AMPH: variants seen among roughly 807,000 people sequenced by gnomAD.
AMPH encodes amphiphysin (Stiff-Mann syndrome with breast cancer 128kD autoantigen).
Under a neutral mutation model 99.1 loss-of-function variants are expected in AMPH, and 49 were observed. The ratio of observed to expected loss-of-function variants is 0.49; its 90% CI spans 0.39 to 0.63. The LOEUF (loss-of-function observed/expected upper bound fraction) is 0.63, where lower values mean the gene tolerates loss of function less well. Ranked by LOEUF, AMPH falls within the 20% of genes least tolerant of loss-of-function variation. The probability of loss-of-function intolerance (pLI) is 0.00; values close to 1 mark genes in which losing one functional copy is unlikely to be tolerated. For missense variants in AMPH, 759 were observed against 863.4 expected (o/e 0.88, Z 1.52); for synonymous variants, 314 against 317.3 (o/e 0.99, Z 0.11).
chr7:38,610,382 G>GGAAAAGAAAA (rs1178717187), intron 1 of AMPH, among the ~76,000 whole-genome samples: 3 of 22,944 alleles, frequency 1.3e-4, no homozygotes, highest in East Asian at 4.9e-4. Context: ...AGAAAGGAAA[G>GGAAAAGAAAA]GAAAAGAAAA....
At chr7:38,522,616 G>A (rs1341739361) in intron 2 of AMPH, among the ~76,000 whole-genome samples, 2 of 152,300 alleles carry the variant, frequency 1.3e-5, no homozygotes, top group South Asian at 4.2e-4. Flanking sequence ...AGGGGAAAGT[G>A]TAGGTGGGTA....
At chr7:38,473,854 A>G (rs1316357017) in intron 7 of AMPH, among the ~76,000 whole-genome samples, 3 of 152,046 alleles carry the variant, frequency 2.0e-5, no homozygotes, top group Non-Finnish European at 4.4e-5. Flanking sequence ...AACTAAATAA[A>G]TTCAAATCAT....
intron 2 of AMPH, 40 bp downstream of exon 2, chr7:38,534,891 A>C: frequency 6.4e-7 from 1 of 1,558,114 alleles, no homozygotes. Context: ...AAACACATTT[A>C]AACAATTTCC....
chr7:38,415,863 G>A (rs538304087), intron 17 of AMPH, among the ~76,000 whole-genome samples: 2 of 152,058 alleles, frequency 1.3e-5, no homozygotes, highest in South Asian at 2.1e-4. Flanking sequence ...CTCAGGAAGT[G>A]CCTGAATCCT....
At position 38,473,709 on chromosome 7, in the gene AMPH, T is replaced by A. The variant is rs1312773774; in HGVS notation, c.590+1622A>T. ...CTGGGCGACAGAGCGAGACTCCGTCTCAAAAAAAAAAAAAAAAAAAAAAAA... is the reference window on the plus strand; with the variant it reads ...CTGGGCGACAGAGCGAGACTCCGTCACAAAAAAAAAAAAAAAAAAAAAAAA... On this transcript the variant is annotated intron_variant, in intron 7 of 20. Transcript: ENST00000356264. Among the ~76,000 whole-genome samples the A allele has an allele frequency of 0.014, 7 of 484 alleles. No homozygotes were observed. In the Admixed American group the frequency reaches 0.17, roughly 12 times the overall value. The allele number at this position is 484 out of a possible 152,430, so 0.3% of individuals were successfully genotyped here.
chr7:38,605,395 G>A (rs1437326268), intron 1 of AMPH, among the ~76,000 whole-genome samples: 2 of 152,120 alleles, frequency 1.3e-5, no homozygotes, highest in East Asian at 3.9e-4. Context: ...TTTGCCTTTG[G>A]GCCCCTTTTT....
chr7:38,400,960 A>T (rs1032957364), intron 17 of AMPH, among the ~76,000 whole-genome samples: 13 of 152,332 alleles, frequency 8.5e-5, no homozygotes, highest in African/African-American at 3.1e-4. Flanking sequence ...TAATAAAAGA[A>T]ATAATTTATG....
intron 16 of AMPH, among the ~76,000 whole-genome samples, chr7:38,421,795 T>C (rs1205748836): frequency 6.6e-6 from 1 of 152,218 alleles, no homozygotes; most frequent in Non-Finnish European, 1.5e-5. Context: ...TGATATCTCT[T>C]AAGGTCTCTT....
intron 2 of AMPH, among the ~76,000 whole-genome samples, chr7:38,514,797 G>C (rs960431846): frequency 6.6e-6 from 1 of 152,144 alleles, no homozygotes; most frequent in African/African-American, 2.4e-5. Context: ...TAAATTACCT[G>C]GTCAGTGGTA....
intron 11 of AMPH, among the ~76,000 whole-genome samples, chr7:38,452,275 A>T (rs898534938): frequency 4.6e-5 from 7 of 152,200 alleles, no homozygotes; most frequent in African/African-American, 1.7e-4. Context: ...CATTTAAAAA[A>T]ATTAAAATAA....
intron 20 of AMPH, among the ~76,000 whole-genome samples, chr7:38,389,008 A>C (rs1784420063): frequency 6.6e-6 from 1 of 152,302 alleles, no homozygotes; most frequent in South Asian, 2.1e-4. Flanking sequence ...CCAACACCTG[A>C]TGTATCTTGG....
chr7:38,494,388 G>A (rs1025683292), intron 4 of AMPH, 45 bp downstream of exon 4: 1 of 1,529,850 alleles, frequency 6.5e-7, no homozygotes, highest in South Asian at 1.1e-5. Context: ...CAGGTGGACT[G>A]AGCAAGGGTC....
At chr7:38,522,753 C>T (rs1200576378) in intron 2 of AMPH, among the ~76,000 whole-genome samples, 4 of 151,996 alleles carry the variant, frequency 2.6e-5, no homozygotes, top group Non-Finnish European at 4.4e-5. Flanking sequence ...AATAAATATA[C>T]GTATATTGAA....
chr7:38,432,200 C>A lies in AMPH; in HGVS notation c.1147G>T (p.Asp383Tyr). ...TATTAGTGGCTTACCGTCCATAGGT[C>A]CCAGGGCAATGTCTGAAAGCAAATA... ...HSPMSQTLPWDLWTTSTDLVQ... is the reference protein window; with the variant it reads ...HSPMSQTLPWYLWTTSTDLVQ... Residue 383 changes from aspartate to tyrosine, a missense_variant, in exon 13 of 21, where the codon GAC becomes TAC. Asp to Tyr is a radical substitution (Grantham distance 160, BLOSUM62 -3). Coordinates refer to ENST00000356264, the MANE Select transcript of AMPH (RefSeq NM_001635.4). The A allele has an allele frequency of 6.2e-7, 1 of 1,612,776 alleles. No homozygotes were observed. Among genetic ancestry groups the A allele is most frequent in the Non-Finnish European group, 8.5e-7 (1 of 1,178,824 alleles).
Position 38,400,168 on chromosome 7 carries a change from C to T in AMPH, c.1399-5954G>A, listed in dbSNP as rs188742863. On this transcript the variant is annotated intron_variant, in intron 17 of 20. Transcript: ENST00000356264. ...TTGGCTCACTGCAACCTCCGCCCCC[C>T]AGGTTCAAGCGATTTTCCTGCCTCA... Among the ~76,000 whole-genome samples, 27 of 152,290 alleles carry T rather than the reference C, an allele frequency of 1.8e-4. No homozygotes were observed. The East Asian group carries it at 3.9e-3, about 22-fold the overall frequency.
chr7:38,432,587 TACACACACAC>T (rs10556315), intron 12 of AMPH, among the ~76,000 whole-genome samples: 2,303 of 148,166 alleles, frequency 0.016, 69 homozygotes, highest in African/African-American at 0.055. Context: ...GTTATTTTAA[TACACACACAC>T]ACACACACAC....
At chr7:38,606,443 T>C (rs1032543570) in intron 1 of AMPH, among the ~76,000 whole-genome samples, 1 of 152,218 alleles carries the variant, frequency 6.6e-6, no homozygotes, top group African/African-American at 2.4e-5. Context: ...GATTTGCCTA[T>C]TCTAGCTATT....
rs556345269 is a variant in AMPH, at chr7:38,417,708, A to G, written c.1398+117T>C. 7.9e-5 allele frequency: 106 copies of G among 1,345,172 alleles called. No individual in the cohort carries two copies. In the African/African-American group the frequency reaches 1.4e-3, roughly 18 times the overall value. 83.3% of individuals were successfully genotyped at this position (1,345,172 alleles called of 1,614,324 possible). On this transcript the variant is annotated intron_variant, in intron 17 of 20. Coordinates refer to ENST00000356264, the MANE Select transcript of AMPH (RefSeq NM_001635.4). ...GCTATTTGAACCTGGGAGCTACGACAGATATGGAGCATGTTTGGCCCAAGT... is the reference window on the plus strand; with the variant it reads ...GCTATTTGAACCTGGGAGCTACGACGGATATGGAGCATGTTTGGCCCAAGT...
chr7:38,447,759 C>T (rs1013170250), intron 11 of AMPH, among the ~76,000 whole-genome samples: 6 of 145,380 alleles, frequency 4.1e-5, no homozygotes, highest in African/African-American at 1.5e-4. Flanking sequence ...TAAACACACA[C>T]ACACACACAC....
Sources: allele counts gnomAD v4.1 joint callset (sites outside exome capture counted in the v4.1 genomes callset), GRCh38; gene constraint gnomAD v4.1.1; transcripts MANE v1.5; gene names NCBI Gene and HGNC (gene_info 2026-07-23, HGNC 2026-07-21).